The following MINDY4 variants were observed in gnomAD, a reference collection of about 807,000 sequenced individuals.
MINDY4 encodes MINDY lysine 48 deubiquitinase 4, also known as probable ubiquitin carboxyl-terminal hydrolase MINDY-4.
A neutral mutation model predicts 87.0 loss-of-function variants in MINDY4; 68 were observed. The observed-to-expected ratio is 0.78, with a 90% CI of 0.64 to 0.96. The LOEUF is 0.96. Ranked by LOEUF, MINDY4 falls within the 40% of genes least tolerant of loss-of-function variation. MINDY4 has a pLI of 0.00. For missense variants in MINDY4, 919 were observed against 928.2 expected (o/e 0.99, Z 0.13); for synonymous variants, 379 against 363.2 (o/e 1.04, Z -0.50).
At chr7:30,863,073 C>A (rs1445230606) in intron 13 of MINDY4, among the ~76,000 whole-genome samples, 1 of 152,126 alleles carries the variant, frequency 6.6e-6, no homozygotes, top group African/African-American at 2.4e-5. Flanking sequence ...TGGAGAAGCC[C>A]CAGCTCTGCA....
intron 5 of MINDY4, among the ~76,000 whole-genome samples, chr7:30,794,970 C>T (rs1047525514): frequency 3.3e-5 from 5 of 152,142 alleles, no homozygotes; most frequent in African/African-American, 9.7e-5. Flanking sequence ...AGATGTAGTA[C>T]GGAGCATGGG....
intron 14 of MINDY4, 150 bp downstream of exon 14, chr7:30,872,456 C>T (rs1790136402): frequency 1.5e-6 from 1 of 687,420 alleles, no homozygotes; most frequent in South Asian, 1.8e-5. Flanking sequence ...GTGCCCACCT[C>T]TGCTGGGTTT....
intron 5 of MINDY4, among the ~76,000 whole-genome samples, chr7:30,794,643 T>C (rs1199957665): frequency 2.6e-5 from 4 of 152,206 alleles, no homozygotes; most frequent in African/African-American, 7.2e-5. Flanking sequence ...TTCTGGTTTA[T>C]TTTTTGTTTT....
At chr7:30,776,981 C>CTT (rs377315870) in intron 1 of MINDY4, among the ~76,000 whole-genome samples, 3 of 123,376 alleles carry the variant, frequency 2.4e-5, no homozygotes, top group South Asian at 2.6e-4. Flanking sequence ...CTTTTCTTTT[C>CTT]TTTCCTTTTC....
At chr7:30,797,810 C>T (rs1787536199) in intron 5 of MINDY4, among the ~76,000 whole-genome samples, 1 of 152,090 alleles carries the variant, frequency 6.6e-6, no homozygotes, top group Non-Finnish European at 1.5e-5. Flanking sequence ...ACCAGTTAGG[C>T]AACTGCAGTA....
intron 7 of MINDY4, among the ~76,000 whole-genome samples, 183 bp downstream of exon 7, chr7:30,836,947 T>C (rs889429655): frequency 9.9e-5 from 15 of 152,164 alleles, no homozygotes; most frequent in South Asian, 2.1e-4. Flanking sequence ...AGTCTAGTCC[T>C]TGCAGCTCTC....
intron 6 of MINDY4, among the ~76,000 whole-genome samples, chr7:30,829,460 C>T (rs975337764): frequency 3.9e-5 from 6 of 152,206 alleles, no homozygotes; most frequent in African/African-American, 1.2e-4. Context: ...CCTGTTGCAC[C>T]ATTTGGGCAG....
chr7:30,864,770 A>G (rs1191517031), intron 13 of MINDY4, among the ~76,000 whole-genome samples: 1 of 152,244 alleles, frequency 6.6e-6, no homozygotes, highest in African/African-American at 2.4e-5. Context: ...GGAAACAGGT[A>G]TCTGAGAACA....
intron 5 of MINDY4, among the ~76,000 whole-genome samples, chr7:30,807,431 C>T (rs973431780): frequency 2.6e-5 from 4 of 151,870 alleles, no homozygotes; most frequent in African/African-American, 7.3e-5. Context: ...GATCAGATAT[C>T]TTTAAAATTC....
chr7:30,889,189 A>G (rs1476812498), intron 17 of MINDY4, among the ~76,000 whole-genome samples: 4 of 152,170 alleles, frequency 2.6e-5, no homozygotes, highest in Non-Finnish European at 4.4e-5. Context: ...ATCTTAATAG[A>G]ACAATAAAAG....
At chr7:30,790,068 G>C (rs1787274935) in intron 4 of MINDY4, among the ~76,000 whole-genome samples, 1 of 152,318 alleles carries the variant, frequency 6.6e-6, no homozygotes. Context: ...ATACGCATAG[G>C]AGTAGTGAGC....
At chr7:30,801,844 G>A (rs1238169419) in intron 5 of MINDY4, among the ~76,000 whole-genome samples, 1 of 152,176 alleles carries the variant, frequency 6.6e-6, no homozygotes, top group African/African-American at 2.4e-5. Context: ...AAGTGAGAGA[G>A]TGGCCACACA....
intron 6 of MINDY4, among the ~76,000 whole-genome samples, chr7:30,829,442 A>G (rs1004014947): frequency 5.3e-5 from 8 of 152,228 alleles, no homozygotes; most frequent in Non-Finnish European, 1.5e-5. Context: ...TCTGGAGCCA[A>G]CAGTTTACCT....
intron 13 of MINDY4, among the ~76,000 whole-genome samples, chr7:30,869,005 A>T (rs1052599910): frequency 6.6e-6 from 1 of 152,082 alleles, no homozygotes; most frequent in Non-Finnish European, 1.5e-5. Flanking sequence ...TGCTTATTGG[A>T]TTGAAATCCC....
intron 15 of MINDY4, among the ~76,000 whole-genome samples, chr7:30,879,172 G>A (rs924647947): frequency 7.9e-5 from 12 of 152,166 alleles, no homozygotes; most frequent in Admixed American, 2.0e-4. Flanking sequence ...ATTAATAACT[G>A]TATTTGGAGA....
intron 12 of MINDY4, among the ~76,000 whole-genome samples, chr7:30,855,297 G>A (rs906323357): frequency 2.6e-5 from 4 of 152,240 alleles, no homozygotes; most frequent in African/African-American, 9.6e-5. Flanking sequence ...CTTGGAGAAG[G>A]GTGTCTTCCA....
chr7:30,822,034 C>T (rs576085982), intron 5 of MINDY4, among the ~76,000 whole-genome samples: 16 of 152,196 alleles, frequency 1.1e-4, no homozygotes, highest in Admixed American at 8.5e-4. Flanking sequence ...TATATATACA[C>T]GTATTTTTCT....
chr7:30,776,231 C>T (rs1213851239), intron 1 of MINDY4, among the ~76,000 whole-genome samples: 3 of 152,298 alleles, frequency 2.0e-5, no homozygotes, highest in East Asian at 3.9e-4. Flanking sequence ...AAGACCTTTC[C>T]TTATGAGTCT....
intron 16 of MINDY4, 24 bp from the exon 17 acceptor site, chr7:30,882,897 G>A: frequency 6.2e-7 from 1 of 1,612,510 alleles, no homozygotes. Context: ...GGTGACATGT[G>A]TGTGCCTCTC....
Sources: allele counts gnomAD v4.1 joint callset (sites outside exome capture counted in the v4.1 genomes callset), GRCh38; gene constraint gnomAD v4.1.1; transcripts MANE v1.5; gene names NCBI Gene and HGNC (gene_info 2026-07-23, HGNC 2026-07-21).